Variants in ZNF582 observed in about 807,000 individuals in gnomAD.
ZNF582 encodes the protein zinc finger protein 582.
In ZNF582, 14 loss-of-function variants were observed where a neutral mutation model predicts 12.3. The observed-to-expected ratio is 1.14, with a 90% CI of 0.75 to 1.78. The LOEUF is 1.78. Ranked by LOEUF, ZNF582 falls within the 40% of genes most tolerant of loss-of-function variation. The probability of loss-of-function intolerance (pLI) is 0.00; values close to 1 mark genes in which losing one functional copy is unlikely to be tolerated. For synonymous variants in ZNF582, 210 were observed against 207.2 expected (o/e 1.01, Z -0.11); for missense variants, 567 against 616.5 (o/e 0.92, Z 0.85).
At chr19:56,391,861 G>C in intron 1 of ZNF582, 29 bp from the exon 2 acceptor site, 3 of 1,593,862 alleles carry the variant, frequency 1.9e-6, no homozygotes, top group Non-Finnish European at 1.7e-6. Context: ...AACATGAGAG[G>C]CTAGGCTTGC....
chr19:56,387,597 CTCTT>C (rs1188117886), intron 4 of ZNF582: 1 of 152,098 alleles, frequency 6.6e-6, no homozygotes, highest in African/African-American at 2.4e-5. Flanking sequence ...ATTTCTCTTT[CTCTT>C]TCTTTTTTGC....
At chr19:56,393,258 A>G (rs761725356) in exon 1 of ZNF582, 1 of 1,245,872 alleles carries the variant, frequency 8.0e-7, no homozygotes, top group South Asian at 1.3e-5. Flanking sequence ...GGCTGGAAGC[A>G]GAAAGGGGGC....
intron 2 of ZNF582, 80 bp downstream of exon 2, chr19:56,391,664 A>G: frequency 7.4e-7 from 1 of 1,352,026 alleles, no homozygotes; most frequent in Non-Finnish European, 1.1e-6. Flanking sequence ...GGAAAGTCTG[A>G]GAACCAAATT....
chr19:56,389,975 T>C (rs762900362), intron 4 of ZNF582, 26 bp downstream of exon 4: 3 of 1,598,166 alleles, frequency 1.9e-6, no homozygotes, highest in Non-Finnish European at 8.6e-7. Context: ...CAGTGGCTGC[T>C]CCCTTCCCAA....
At chr19:56,384,225 T>C in exon 5 of ZNF582, 1 of 1,613,822 alleles carries the variant, frequency 6.2e-7, no homozygotes. Context: ...CCACATACCT[T>C]ACATTGGTAG....
intron 4 of ZNF582, among the ~76,000 whole-genome samples, chr19:56,388,629 G>A (rs1334794235): frequency 1.3e-5 from 2 of 152,102 alleles, no homozygotes; most frequent in African/African-American, 4.8e-5. Flanking sequence ...GCCTTTCCTA[G>A]CGTATCTTTT....
chr19:56,385,022 T>C, exon 5 of ZNF582: 1 of 1,614,194 alleles, frequency 6.2e-7, no homozygotes, highest in Non-Finnish European at 8.5e-7. Context: ...TGGATTTCCC[T>C]GTTGTCTGTC....
chr19:56,393,187 A>G (rs1424119942), intron 1 of ZNF582, 33 bp downstream of exon 1: 1 of 1,266,168 alleles, frequency 7.9e-7, no homozygotes, highest in African/African-American at 1.6e-5. Context: ...AACATCCGCA[A>G]TTTCAGGGGG....
At chr19:56,385,257 A>G in intron 4 of ZNF582, 73 bp from the exon 5 acceptor site, 1 of 1,463,508 alleles carries the variant, frequency 6.8e-7, no homozygotes, top group Non-Finnish European at 9.0e-7. Context: ...TAAGAACTGG[A>G]GGGTTTAGAC....
At chr19:56,389,876 A>G in intron 4 of ZNF582, 125 bp downstream of exon 4, 1 of 673,896 alleles carries the variant, frequency 1.5e-6, no homozygotes, top group Non-Finnish European at 2.5e-6. Context: ...GCTGAGGAAA[A>G]CAACACGTAA....
At chr19:56,383,993 C>CTAT in exon 5 of ZNF582, 1 of 1,614,002 alleles carries the variant, frequency 6.2e-7, no homozygotes, top group East Asian at 2.2e-5. Flanking sequence ...ATGTGTTTCT[C>CTAT]TATTATGCAT....
At chr19:56,392,221 A>T (rs1429781590) in intron 1 of ZNF582, among the ~76,000 whole-genome samples, 2 of 152,240 alleles carry the variant, frequency 1.3e-5, no homozygotes, top group African/African-American at 4.8e-5. Context: ...CCTTTCCAGG[A>T]CTAGGCCATT....
chr19:56,389,884 TAA>T, intron 4 of ZNF582, 115 bp downstream of exon 4: 4 of 730,822 alleles, frequency 5.5e-6, no homozygotes, highest in South Asian at 3.7e-5. Flanking sequence ...AAACAACACG[TAA>T]GACATAAGCT....
chr19:56,393,273 G>A (rs1359277105), exon 1 of ZNF582: 1 of 1,243,672 alleles, frequency 8.0e-7, no homozygotes, highest in Admixed American at 3.3e-5. Context: ...GGGGGCGCCA[G>A]AAAGCGCACG....
chr19:56,388,847 G>A (rs1222933955), intron 4 of ZNF582, among the ~76,000 whole-genome samples: 1 of 152,124 alleles, frequency 6.6e-6, no homozygotes, highest in Non-Finnish European at 1.5e-5. Context: ...TGGCCAGACT[G>A]GTCAAGTGAT....
exon 5 of ZNF582, chr19:56,383,899 A>C (rs762836143): frequency 1.9e-6 from 3 of 1,599,314 alleles, no homozygotes; most frequent in South Asian, 2.3e-5. Context: ...TTCCATTCAT[A>C]TGGTTGCTTG....
intron 4 of ZNF582, chr19:56,386,532 T>C (rs1171123323): frequency 6.6e-6 from 1 of 152,402 alleles, no homozygotes; most frequent in East Asian, 1.9e-4. Context: ...TAGAGCAACA[T>C]ACTTTGCTGA....
chr19:56,392,459 T>C (rs1034016163), intron 1 of ZNF582, among the ~76,000 whole-genome samples: 1 of 152,194 alleles, frequency 6.6e-6, no homozygotes, highest in African/African-American at 2.4e-5. Context: ...TGTCCTTCCA[T>C]AGAGACACAG....
At chr19:56,387,083 C>T (rs1254786700) in intron 4 of ZNF582, among the ~76,000 whole-genome samples, 1 of 152,128 alleles carries the variant, frequency 6.6e-6, no homozygotes, top group Non-Finnish European at 1.5e-5. Flanking sequence ...AAAATGTGCA[C>T]AATTAAACTC....
Sources: gnomAD v4.1 joint callset for allele counts (sites outside exome capture counted in the v4.1 genomes callset) on GRCh38, gnomAD v4.1.1 for gene constraint, MANE v1.5 for transcripts, NCBI Gene and HGNC (gene_info 2026-07-23, HGNC 2026-07-21) for gene names.